The following SLC15A1 variants were observed in gnomAD, a reference collection of about 807,000 sequenced individuals.
The protein encoded by SLC15A1 is solute carrier family 15 member 1.
SLC15A1 carries 83 observed loss-of-function variants against 92.9 expected under a neutral mutation model. The observed-to-expected ratio is 0.89, with a 90% CI of 0.75 to 1.07. The LOEUF (loss-of-function observed/expected upper bound fraction) is 1.07. SLC15A1 is among the 50% of genes least tolerant of loss of function. The pLI is 0.00. For synonymous variants in SLC15A1, 322 were observed against 318.2 expected, an observed-to-expected ratio of 1.01 and a Z score of -0.13; for missense variants, 857 against 880.1, an observed-to-expected ratio of 0.97 and a Z score of 0.33.
intron 1 of SLC15A1, among the ~76,000 whole-genome samples, chr13:98,748,298 CTTG>C (rs978427611): frequency 3.9e-5 from 6 of 152,088 alleles, no homozygotes; most frequent in African/African-American, 1.2e-4. Context: ...TTGTTTTTGT[CTTG>C]TTGTTGCTTC....
chr13:98,684,706 C>G lies in SLC15A1; in HGVS notation c.*18G>C, dbSNP rs950359687. On this transcript the variant is annotated 3_prime_UTR_variant, in exon 23 of 23. Coordinates refer to ENST00000376503, the MANE Select transcript of SLC15A1 (RefSeq NM_005073.4). ...GGCATCTGCGGGCCCAGTCCATCCT[C>G]CACTTGCCTCCTGACCTTCACATCT... 4.3e-6 allele frequency: 7 copies of G among 1,611,876 alleles called. No individual in the cohort carries two copies. In the African/African-American group the frequency reaches 9.3e-5, roughly 22 times the overall value.
rs72650312 is a variant in SLC15A1 at position 98,722,451 on chromosome 13, T to C, written c.366-548A>G. ...TTATTTAATTTACTCTTGTATTTTC[T>C]AGGTTATTGCTAAGTATTTTAACTC... On this transcript the variant is annotated intron_variant, in intron 5 of 22. Transcript: ENST00000376503. 9.5e-3 allele frequency among the ~76,000 whole-genome samples: 1,418 copies of C among 149,318 alleles called. 11 individuals carry two copies. Among genetic ancestry groups the C allele is most frequent in the Middle Eastern group, 0.038 (11 of 292 alleles).
At chr13:98,709,006 C>T (rs1379791524) in intron 14 of SLC15A1, among the ~76,000 whole-genome samples, 2 of 137,010 alleles carry the variant, frequency 1.5e-5, no homozygotes, top group Admixed American at 7.8e-5. Context: ...CTCTTTCTGT[C>T]ACCCCGGCTG....
chr13:98,742,242 C>G (rs776770715), intron 1 of SLC15A1, among the ~76,000 whole-genome samples: 1 of 152,210 alleles, frequency 6.6e-6, no homozygotes, highest in Non-Finnish European at 1.5e-5. Context: ...ACCACTCAGC[C>G]GCAGCCTGGC....
At chr13:98,706,810 C>T (rs541501468) in intron 15 of SLC15A1, among the ~76,000 whole-genome samples, 2 of 152,238 alleles carry the variant, frequency 1.3e-5, no homozygotes, top group Non-Finnish European at 2.9e-5. Flanking sequence ...TGGACTAATA[C>T]GTGAACGAGT....
chr13:98,695,491 C>T (rs1287723812), intron 18 of SLC15A1, among the ~76,000 whole-genome samples: 1 of 152,172 alleles, frequency 6.6e-6, no homozygotes. Context: ...GCCCCAGGTT[C>T]AAGTGATTCT....
chr13:98,715,809 T>G, intron 9 of SLC15A1, 69 bp downstream of exon 9: 4 of 1,271,288 alleles, frequency 3.1e-6, no homozygotes, highest in Non-Finnish European at 4.5e-6. Flanking sequence ...GCTTAAATTT[T>G]AATTTAAAGA....
chr13:98,744,748 C>CAAAA (rs5806073), intron 1 of SLC15A1, among the ~76,000 whole-genome samples: 10 of 82,374 alleles, frequency 1.2e-4, no homozygotes, highest in African/African-American at 2.8e-4. Flanking sequence ...GATTCCATCT[C>CAAAA]AAAAAAAAAA....
chr13:98,696,554 G>A (rs548238696), intron 18 of SLC15A1, among the ~76,000 whole-genome samples: 23 of 152,182 alleles, frequency 1.5e-4, no homozygotes, highest in Non-Finnish European at 1.9e-4. Context: ...TAAAGCAACG[G>A]AAACCACATT....
At chr13:98,716,397 G>A (rs1192719894) in intron 8 of SLC15A1, among the ~76,000 whole-genome samples, 14 of 152,116 alleles carry the variant, frequency 9.2e-5, no homozygotes, top group African/African-American at 3.1e-4. Flanking sequence ...CGAGGTGGGC[G>A]GATCACTTGA....
At chr13:98,752,573 G>A in intron 1 of SLC15A1, 22 bp downstream of exon 1, 4 of 1,260,408 alleles carry the variant, frequency 3.2e-6, no homozygotes, top group Middle Eastern at 2.4e-4. Context: ...AGCCCGGCCG[G>A]CCCCCCACCC....
intron 7 of SLC15A1, chr13:98,721,081 T>A (rs1465980606): frequency 2.1e-6 from 1 of 470,060 alleles, no homozygotes; most frequent in Non-Finnish European, 4.4e-6. Context: ...AAAAAATCAA[T>A]ACAATTTTGC....
chr13:98,741,833 A>C (rs1322976798), intron 1 of SLC15A1, among the ~76,000 whole-genome samples: 1 of 152,170 alleles, frequency 6.6e-6, no homozygotes, highest in East Asian at 1.9e-4. Flanking sequence ...TAAACACAGA[A>C]CATGCTGATG....
intron 1 of SLC15A1, among the ~76,000 whole-genome samples, chr13:98,750,053 C>G (rs1190016914): frequency 6.6e-6 from 1 of 152,038 alleles, no homozygotes; most frequent in African/African-American, 2.4e-5. Context: ...AAGGAGGTGC[C>G]GTTCATGAGC....
intron 1 of SLC15A1, among the ~76,000 whole-genome samples, chr13:98,728,471 T>C (rs183142308): frequency 2.6e-5 from 4 of 152,302 alleles, no homozygotes; most frequent in Admixed American, 6.5e-5. Context: ...GAAAGATAGA[T>C]ATCACATATT....
intron 1 of SLC15A1, among the ~76,000 whole-genome samples, chr13:98,744,240 C>CA (rs898374872): frequency 0.064 from 2,620 of 41,202 alleles, 154 homozygotes; most frequent in African/African-American, 0.1. Context: ...GACTCTGTCT[C>CA]AAAAAAAAAA....
At chr13:98,740,299 G>C (rs9584926) in intron 1 of SLC15A1, among the ~76,000 whole-genome samples, 5 of 152,168 alleles carry the variant, frequency 3.3e-5, no homozygotes, top group Non-Finnish European at 5.9e-5. Context: ...CACCCGCTGT[G>C]CTCCGCACTC....
At chr13:98,706,074 A>G (rs1647699097) in intron 16 of SLC15A1, 60 bp downstream of exon 16, 7 of 1,560,740 alleles carry the variant, frequency 4.5e-6, no homozygotes, top group Non-Finnish European at 6.0e-6. Context: ...CAGCTTCTCT[A>G]AATCCTATTA....
Position 98,720,692 on chromosome 13 carries a change from G to C in SLC15A1, c.556+803C>G, listed in dbSNP as rs977226635. 4.8e-5 allele frequency: 10 copies of C among 207,022 alleles called. No homozygotes were observed. In the South Asian group the frequency reaches 5.6e-4, roughly 12 times the overall value. The allele number at this position is 207,022 out of a possible 1,614,324, so 12.8% of individuals were successfully genotyped here. A position where few individuals can be genotyped will look rare whatever the true frequency, so the allele number is the denominator to read the frequency against. ...CAAACCTCTGATAGTTACTGACACT[G>C]TCCCATTCTCTTTATCTGAGCAGTT... On this transcript the variant is annotated intron_variant, in intron 7 of 22. Transcript: ENST00000376503.
Sources: allele counts gnomAD v4.1 joint callset (sites outside exome capture counted in the v4.1 genomes callset), GRCh38; gene constraint gnomAD v4.1.1; transcripts MANE v1.5; gene names NCBI Gene and HGNC (gene_info 2026-07-23, HGNC 2026-07-21).